ANKRD6: variants seen among roughly 807,000 people sequenced by gnomAD.
The protein encoded by ANKRD6 is ankyrin repeat domain 6.
ANKRD6 carries 56 observed loss-of-function variants against 82.3 expected under a neutral mutation model. The ratio of observed to expected loss-of-function variants is 0.68; its 90% CI spans 0.55 to 0.85. The LOEUF (loss-of-function observed/expected upper bound fraction) is 0.85. Ranked by LOEUF, ANKRD6 falls within the 40% of genes least tolerant of loss-of-function variation. The pLI, the probability that ANKRD6 is intolerant of heterozygous loss-of-function variation, is 0.00. For synonymous variants in ANKRD6, 347 were observed against 352.1 expected (o/e 0.99, Z 0.16); for missense variants, 852 against 907.6 (o/e 0.94, Z 0.79).
At chr6:89,535,444 A>G (rs528774420) in intron 1 of ANKRD6, among the ~76,000 whole-genome samples, 1 of 152,340 alleles carries the variant, frequency 6.6e-6, no homozygotes, top group Non-Finnish European at 1.5e-5. Context: ...TTTAAAATAC[A>G]AGCACACACA....
chr6:89,527,332 C>T (rs982850345), intron 1 of ANKRD6, among the ~76,000 whole-genome samples: 1 of 152,058 alleles, frequency 6.6e-6, no homozygotes, highest in Non-Finnish European at 1.5e-5. Flanking sequence ...CAGTGACTCA[C>T]GCCTGTAATC....
intron 1 of ANKRD6, among the ~76,000 whole-genome samples, chr6:89,442,215 C>T (rs922073651): frequency 3.3e-5 from 5 of 151,416 alleles, no homozygotes; most frequent in Admixed American, 6.6e-5. Flanking sequence ...AGGCTGGTCT[C>T]GAACTCCTGG....
At chr6:89,462,109 G>A (rs1774221534) in intron 1 of ANKRD6, among the ~76,000 whole-genome samples, 1 of 151,734 alleles carries the variant, frequency 6.6e-6, no homozygotes, top group South Asian at 2.1e-4. Flanking sequence ...GTGCATGCCT[G>A]TAATTCCAGC....
intron 1 of ANKRD6, among the ~76,000 whole-genome samples, chr6:89,510,616 A>G (rs1045487828): frequency 3.9e-5 from 6 of 152,154 alleles, no homozygotes; most frequent in South Asian, 2.1e-4. Context: ...TTGTGCAACA[A>G]TCATCTCAAT....
Position 89,539,902 on chromosome 6 carries a change from T to C in ANKRD6, c.-143-26932T>C, listed in dbSNP as rs182254418. ...AAAAAAAAACCAGATGTTTTTGCGATGTTTGTCTTTCTATGCCTGGCTTAT... is the reference window on the plus strand; with the variant it reads ...AAAAAAAAACCAGATGTTTTTGCGACGTTTGTCTTTCTATGCCTGGCTTAT... On this transcript the variant is annotated intron_variant, in intron 1 of 15. Coordinates refer to ENST00000339746, the MANE Select transcript of ANKRD6 (RefSeq NM_001242809.2). Among the ~76,000 whole-genome samples the C allele has an allele frequency of 5.9e-5, 9 of 152,208 alleles. No homozygotes were observed. In the East Asian group the frequency reaches 1.7e-3, roughly 29 times the overall value.
At chr6:89,490,811 CCTGTGTAGTGGGTCAAATG>C (rs1777928440) in intron 1 of ANKRD6, among the ~76,000 whole-genome samples, 1 of 152,082 alleles carries the variant, frequency 6.6e-6, no homozygotes, top group Non-Finnish European at 1.5e-5. Flanking sequence ...CTCCGCTTGG[CCTGTGTAGTGGGTCAAATG>C]GTGGCCCCCC....
intron 5 of ANKRD6, among the ~76,000 whole-genome samples, chr6:89,609,982 G>C (rs1455558998): frequency 1.3e-5 from 2 of 152,120 alleles, no homozygotes; most frequent in African/African-American, 4.8e-5. Context: ...CAAAGGGAGG[G>C]ACATTTTGTA....
At chr6:89,622,688 C>T (rs1470464431) in intron 10 of ANKRD6, among the ~76,000 whole-genome samples, 1 of 152,222 alleles carries the variant, frequency 6.6e-6, no homozygotes, top group East Asian at 1.9e-4. Context: ...TCTTGCCCCA[C>T]ACCTCCACCT....
Position 89,465,883 on chromosome 6 carries a change from A to T in ANKRD6, c.-144+32508A>T, listed in dbSNP as rs950387567. Among the ~76,000 whole-genome samples the T allele has an allele frequency of 1.3e-4, 19 of 151,954 alleles. No homozygotes were observed. In the East Asian group the frequency reaches 1.7e-3, roughly 14 times the overall value. On this transcript the variant is annotated intron_variant, in intron 1 of 15. Transcript: ENST00000339746. ...ATCTCAAAAATAAATAAATTAATTT[A>T]AAAAAAAATTTTAATGAGGATATTA... is the stretch of plus-strand genomic sequence containing the variant.
intron 1 of ANKRD6, among the ~76,000 whole-genome samples, chr6:89,507,565 A>G: frequency 6.6e-6 from 1 of 152,222 alleles, no homozygotes; most frequent in East Asian, 1.9e-4. Context: ...ATCAGACAGA[A>G]CAAACAGAGC....
chr6:89,511,432 T>C (rs1780537070), intron 1 of ANKRD6, among the ~76,000 whole-genome samples: 1 of 152,220 alleles, frequency 6.6e-6, no homozygotes, highest in Admixed American at 6.5e-5. Context: ...AGTACTCATC[T>C]TGCATTATTT....
intron 3 of ANKRD6, chr6:89,598,259 A>T: frequency 1.0e-6 from 1 of 984,868 alleles, no homozygotes; most frequent in Non-Finnish European, 1.2e-6. Context: ...GTCAACTCTC[A>T]TTGGAGCGCT....
At chr6:89,510,989 G>C (rs990438739) in intron 1 of ANKRD6, among the ~76,000 whole-genome samples, 1 of 152,176 alleles carries the variant, frequency 6.6e-6, no homozygotes, top group Non-Finnish European at 1.5e-5. Context: ...AGAATCACCT[G>C]CTGACAACAT....
At chr6:89,598,246 C>T (rs534643251) in intron 3 of ANKRD6, 67 of 985,232 alleles carry the variant, frequency 6.8e-5, no homozygotes, top group Non-Finnish European at 7.8e-5. Context: ...TCCTGCCAAT[C>T]GTGTCAACTC....
At chr6:89,572,434 T>C (rs1390601521) in intron 2 of ANKRD6, among the ~76,000 whole-genome samples, 1 of 152,256 alleles carries the variant, frequency 6.6e-6, no homozygotes, top group Non-Finnish European at 1.5e-5. Flanking sequence ...TTACGGATTT[T>C]GACCATTCTA....
intron 1 of ANKRD6, among the ~76,000 whole-genome samples, chr6:89,546,102 G>A (rs552874426): frequency 3.5e-4 from 54 of 152,174 alleles, no homozygotes; most frequent in African/African-American, 1.3e-3. Context: ...CACTGCGCCC[G>A]GCCTTACTTT....
rs1806461011 is a variant in ANKRD6, at chr6:89,628,554, G to A, written c.1486-558G>A. ...GGAGGCCTAGGTGGGCGGATCACGA[G>A]GTCAGGAGATCGAGACCATCCTTGC... On this transcript the variant is annotated intron_variant, in intron 14 of 15. Coordinates refer to ENST00000339746, the MANE Select transcript of ANKRD6 (RefSeq NM_001242809.2). 2.6e-5 allele frequency among the ~76,000 whole-genome samples: 4 copies of A among 152,186 alleles called. No homozygotes were observed. In the South Asian group the frequency reaches 8.3e-4, roughly 31 times the overall value.
intron 1 of ANKRD6, among the ~76,000 whole-genome samples, chr6:89,489,252 G>A (rs1177514516): frequency 1.3e-5 from 2 of 152,218 alleles, no homozygotes; most frequent in African/African-American, 4.8e-5. Context: ...ACCGGCTGCT[G>A]CAGCTGACAG....
At chr6:89,511,651 A>G (rs1485476400) in intron 1 of ANKRD6, among the ~76,000 whole-genome samples, 2 of 152,248 alleles carry the variant, frequency 1.3e-5, no homozygotes, top group Non-Finnish European at 2.9e-5. Context: ...AGAATAATGC[A>G]TAGAAAGTGC....
Sources: gnomAD v4.1 joint callset for allele counts (sites outside exome capture counted in the v4.1 genomes callset) on GRCh38, gnomAD v4.1.1 for gene constraint, MANE v1.5 for transcripts, NCBI Gene and HGNC (gene_info 2026-07-23, HGNC 2026-07-21) for gene names.